The following CFAP44 variants were observed in gnomAD, a reference collection of about 807,000 sequenced individuals.
CFAP44 encodes cilia- and flagella-associated protein 44.
In CFAP44, 134 loss-of-function variants were observed where a neutral mutation model predicts 216.2. The ratio of observed to expected loss-of-function variants is 0.62; its 90% CI spans 0.54 to 0.72. The LOEUF is 0.72. Among genes scored for constraint, CFAP44 ranks in the 30% least tolerant of loss-of-function variants. The probability of loss-of-function intolerance (pLI) is 0.00; values close to 1 mark genes in which losing one functional copy is unlikely to be tolerated. For synonymous variants in CFAP44, 700 were observed against 727.6 expected, an observed-to-expected ratio of 0.96 and a Z score of 0.61; for missense variants, 2,035 against 2,182.1, an observed-to-expected ratio of 0.93 and a Z score of 1.34.
rs1250472360 is a variant in CFAP44 at position 113,420,091 on chromosome 3, T to C, written c.496A>G (p.Ile166Val). Residue 166 changes from isoleucine to valine, a missense_variant, in exon 5 of 35, where the codon ATC (isoleucine) becomes GTC (valine). Around this residue, in one of 3 missense-constraint regions of CFAP44, gnomAD observed 1,883 missense variants for 2,023.7 expected, o/e 0.93. Coordinates refer to ENST00000393845, the MANE Select transcript of CFAP44 (RefSeq NM_001164496.2). ...TCCTTGGTTTTCAAATTCAGAAAGATCAGTTGGTTCCCAGCTATGTATATG... is the reference window on the plus strand; with the variant it reads ...TCCTTGGTTTTCAAATTCAGAAAGACCAGTTGGTTCCCAGCTATGTATATG... The part of the protein sequence containing the change: ...IAIYIAGNQL[I>V]FLNLKTKEQI... The C allele has an allele frequency of 3.1e-6, 5 of 1,614,042 alleles. No homozygotes were observed. In the East Asian group the frequency reaches 6.7e-5, roughly 22 times the overall value.
At chr3:113,366,669 A>G (rs1311798144) in intron 18 of CFAP44, among the ~76,000 whole-genome samples, 1 of 152,204 alleles carries the variant, frequency 6.6e-6, no homozygotes, top group Non-Finnish European at 1.5e-5. Context: ...TGATTTCTGC[A>G]TTTCCAACTG....
At position 113,341,807 on chromosome 3, in the gene CFAP44, A is replaced by C; in HGVS notation, c.3374T>G (p.Leu1125Arg). 6.5e-7 allele frequency: 1 copy of C among 1,529,882 alleles called. No homozygotes were observed. Among genetic ancestry groups the C allele is most frequent in the East Asian group, 2.5e-5 (1 of 40,720 alleles). The allele number at this position is 1,529,882 out of a possible 1,614,324, so 94.8% of individuals were successfully genotyped here. Residue 1125 changes from leucine (L) to arginine (R), a missense_variant, in exon 24 of 35, where the codon CTT becomes CGT. Leu to Arg is a moderately radical substitution (Grantham distance 102, BLOSUM62 -2). Around this residue, in one of 3 missense-constraint regions of CFAP44, gnomAD observed 1,883 missense variants for 2,023.7 expected, o/e 0.93. Transcript: ENST00000393845. ...VENQIEKTRK[L>R]ILKAERAQLK... is the part of the protein sequence containing the mutation. The stretch of plus-strand genomic sequence containing the variant: ...TTGTGCCCTTTCAGCTTTTAATATA[A>C]GTTTTCTCGTTTTCTCAATTTGATT...
intron 6 of CFAP44, among the ~76,000 whole-genome samples, chr3:113,416,123 T>C (rs940600766): frequency 6.6e-6 from 1 of 152,206 alleles, no homozygotes; most frequent in Non-Finnish European, 1.5e-5. Context: ...CTTGTCTTTT[T>C]TGATTTGTGT....
Position 113,394,622 on chromosome 3 carries a change from C to T in CFAP44, c.1890+1128G>A, listed in dbSNP as rs1933939642. ...AATTCACAACACACATTCTCTATAC[C>T]AGGGGTGTCCAATCTTTTTGCTTCC... On this transcript the variant is annotated intron_variant, in intron 15 of 34. Coordinates refer to ENST00000393845, the MANE Select transcript of CFAP44 (RefSeq NM_001164496.2). 2.0e-5 allele frequency among the ~76,000 whole-genome samples: 3 copies of T among 152,106 alleles called. No individual in the cohort carries two copies. The South Asian group carries it at 6.2e-4, about 32-fold the overall frequency.
chr3:113,293,240 T>C (rs1949848317), intron 34 of CFAP44, among the ~76,000 whole-genome samples: 1 of 152,220 alleles, frequency 6.6e-6, no homozygotes, highest in Non-Finnish European at 1.5e-5. Flanking sequence ...TATTCTTACT[T>C]TGAGATGGCT....
At chr3:113,298,516 T>A (rs991512619) in intron 32 of CFAP44, among the ~76,000 whole-genome samples, 3 of 152,100 alleles carry the variant, frequency 2.0e-5, no homozygotes, top group African/African-American at 7.2e-5. Flanking sequence ...AGCAGAGACA[T>A]AAAGAGATAT....
chr3:113,360,192 C>G (rs1212588300), intron 21 of CFAP44: 1 of 152,674 alleles, frequency 6.5e-6, no homozygotes, highest in East Asian at 1.9e-4. Context: ...AGTTTATTTG[C>G]TGCAAACATA....
chr3:113,376,466 G>A (rs1391277034), intron 17 of CFAP44, among the ~76,000 whole-genome samples: 3 of 152,156 alleles, frequency 2.0e-5, no homozygotes, highest in African/African-American at 7.2e-5. Flanking sequence ...GCCCAAGGCC[G>A]CACTCTGGAG....
chr3:113,322,064 A>G (rs1469381479), intron 28 of CFAP44, among the ~76,000 whole-genome samples: 1 of 152,254 alleles, frequency 6.6e-6, no homozygotes, highest in Non-Finnish European at 1.5e-5. Context: ...CAAATAGCCA[A>G]TGCAATCCTA....
intron 24 of CFAP44, among the ~76,000 whole-genome samples, chr3:113,337,403 A>G (rs1004841794): frequency 1.3e-5 from 2 of 152,178 alleles, no homozygotes; most frequent in Admixed American, 6.6e-5. Context: ...CTGCTTTAAC[A>G]TAATTCTTAT....
At chr3:113,389,754 G>A (rs1933743579) in intron 15 of CFAP44, among the ~76,000 whole-genome samples, 1 of 152,000 alleles carries the variant, frequency 6.6e-6, no homozygotes, top group African/African-American at 2.4e-5. Flanking sequence ...TTAAAACCTT[G>A]AAGAAATAGT....
intron 18 of CFAP44, among the ~76,000 whole-genome samples, chr3:113,368,770 G>T (rs1411322087): frequency 6.6e-6 from 1 of 152,142 alleles, no homozygotes; most frequent in Non-Finnish European, 1.5e-5. Flanking sequence ...TGGGCTAAAT[G>T]CTCCAATTAA....
intron 8 of CFAP44, 141 bp downstream of exon 8, chr3:113,406,786 G>T: frequency 1.8e-6 from 1 of 569,302 alleles, no homozygotes; most frequent in South Asian, 2.7e-5. Flanking sequence ...ATTGATAATT[G>T]AAGAAGTAAA....
intron 2 of CFAP44, chr3:113,427,613 G>A: frequency 3.6e-6 from 1 of 280,858 alleles, no homozygotes; most frequent in South Asian, 7.2e-5. Context: ...AAAGAGGTTA[G>A]TATGCTGCTA....
Position 113,338,255 on chromosome 3 carries a change from C to CAAAAAAAAAAAAAAAA in CFAP44, c.3437+3473_3437+3488dup, listed in dbSNP as rs10574877. ...CTGGACAACACACGAGACAATGTCTCAAAAAAAAAAAAAAAAAAAAAAAAA... is the reference window on the plus strand; with the variant it reads ...CTGGACAACACACGAGACAATGTCTCAAAAAAAAAAAAAAAAAAAAAAAAAAAAAAAAAAAAAAAAA... On this transcript the variant is annotated intron_variant, in intron 24 of 34. Coordinates refer to ENST00000393845, the MANE Select transcript of CFAP44 (RefSeq NM_001164496.2). 5.6e-4 allele frequency among the ~76,000 whole-genome samples: 24 copies of CAAAAAAAAAAAAAAAA among 43,046 alleles called. 2 individuals carry two copies. Among genetic ancestry groups the CAAAAAAAAAAAAAAAA allele is most frequent in the South Asian group, 4.8e-3 (3 of 620 alleles). The allele number at this position is 43,046 out of a possible 152,430, so 28.2% of individuals were successfully genotyped here.
intron 21 of CFAP44, among the ~76,000 whole-genome samples, chr3:113,362,544 T>A (rs1950551309): frequency 6.6e-6 from 1 of 152,212 alleles, no homozygotes; most frequent in African/African-American, 2.4e-5. Context: ...GTGCACTTCC[T>A]TACAATAATA....
chr3:113,330,798 C>T, intron 25 of CFAP44, 130 bp from the exon 26 acceptor site: 1 of 1,243,822 alleles, frequency 8.0e-7, no homozygotes. Context: ...CTGATCATAC[C>T]TTTTTACCAC....
intron 28 of CFAP44, among the ~76,000 whole-genome samples, chr3:113,326,076 A>C (rs1247990289): frequency 6.6e-6 from 1 of 151,904 alleles, no homozygotes; most frequent in African/African-American, 2.4e-5. Context: ...GAACTCTCCA[A>C]ACTCAACAGT....
chr3:113,363,392 T>C, intron 20 of CFAP44, 85 bp from the exon 21 acceptor site: 4 of 1,570,480 alleles, frequency 2.5e-6, no homozygotes, highest in Non-Finnish European at 2.6e-6. Flanking sequence ...AATTTGAAAA[T>C]TCATTAAGCT....
Sources: gnomAD v4.1 joint callset for allele counts (sites outside exome capture counted in the v4.1 genomes callset) on GRCh38, gnomAD v4.1.1 for gene constraint, gnomAD v4.1.1 regional missense constraint, MANE v1.5 for transcripts, NCBI Gene and HGNC (gene_info 2026-07-23, HGNC 2026-07-21) for gene names.